Variants in SLC24A2 observed in about 807,000 individuals in gnomAD.
SLC24A2 encodes the protein solute carrier family 24 member 2, also known as sodium/potassium/calcium exchanger 2.
SLC24A2 carries 36 observed loss-of-function variants against 62.0 expected under a neutral mutation model. The observed-to-expected ratio is 0.58, with a 90% CI of 0.44 to 0.77. SLC24A2 has a LOEUF of 0.77. Ranked by LOEUF, SLC24A2 falls within the 30% of genes least tolerant of loss-of-function variation. The pLI, the probability that SLC24A2 is intolerant of heterozygous loss-of-function variation, is 0.00. For synonymous variants in SLC24A2, 358 were observed against 294.0 expected, an observed-to-expected ratio of 1.22 and a Z score of -2.23; for missense variants, 846 against 817.9, an observed-to-expected ratio of 1.03 and a Z score of -0.42.
At chr9:19,551,664 A>G (rs1260353610) in intron 7 of SLC24A2, among the ~76,000 whole-genome samples, 1 of 152,094 alleles carries the variant, frequency 6.6e-6, no homozygotes, top group Non-Finnish European at 1.5e-5. Context: ...CACTTTTCAA[A>G]CAGTAACAGC....
At chr9:19,604,025 G>C (rs1358110741) in intron 4 of SLC24A2, among the ~76,000 whole-genome samples, 1 of 152,204 alleles carries the variant, frequency 6.6e-6, no homozygotes, top group African/African-American at 2.4e-5. Flanking sequence ...TTAAGGCAAA[G>C]AGTCATTGTA....
the SLC24A2 span, among the ~76,000 whole-genome samples, chr9:19,912,416 A>G: frequency 0.046 from 6,945 of 152,208 alleles, 268 homozygotes; most frequent in East Asian, 0.21. Context: ...TAAATCAGGT[A>G]TAGGTTGGAA....
At chr9:19,746,229 G>A (rs948126012) in intron 2 of SLC24A2, among the ~76,000 whole-genome samples, 4 of 151,780 alleles carry the variant, frequency 2.6e-5, no homozygotes, top group Non-Finnish European at 5.9e-5. Context: ...ACAACTTTCC[G>A]ATGGGACCAT....
chr9:19,697,677 A>T (rs6475360), intron 2 of SLC24A2, among the ~76,000 whole-genome samples: 17,059 of 152,170 alleles, frequency 0.11, 1,499 homozygotes, highest in African/African-American at 0.24. Flanking sequence ...AAGTAGTGAA[A>T]CATTTAAAAA....
the SLC24A2 span, among the ~76,000 whole-genome samples, chr9:20,088,090 T>C: frequency 6.6e-6 from 1 of 152,190 alleles, no homozygotes; most frequent in Non-Finnish European, 1.5e-5. Flanking sequence ...GAGCTTTAGA[T>C]ACCTGGGCTT....
the SLC24A2 span, among the ~76,000 whole-genome samples, chr9:20,267,058 GAA>G: frequency 1.6e-5 from 2 of 127,618 alleles, no homozygotes; most frequent in Non-Finnish European, 1.8e-5. Flanking sequence ...CTTAAGAAAT[GAA>G]AAAAAAAAAA....
the SLC24A2 span, among the ~76,000 whole-genome samples, chr9:20,222,098 T>C: frequency 6.6e-5 from 10 of 152,084 alleles, no homozygotes; most frequent in African/African-American, 2.4e-4. Context: ...TCTTGTTATA[T>C]CTGGCAAGAA....
the SLC24A2 span, among the ~76,000 whole-genome samples, chr9:20,208,799 G>A: frequency 6.6e-6 from 1 of 152,196 alleles, no homozygotes; most frequent in African/African-American, 2.4e-5. Context: ...CCGTTCTGGA[G>A]CTGGGACCTA....
At chr9:19,990,217 A>G in the SLC24A2 span, among the ~76,000 whole-genome samples, 5 of 152,124 alleles carry the variant, frequency 3.3e-5, no homozygotes. Flanking sequence ...AGGAGGATTA[A>G]ATCAGTGTCT....
chr9:19,983,530 C>T, the SLC24A2 span, among the ~76,000 whole-genome samples: 1 of 152,162 alleles, frequency 6.6e-6, no homozygotes, highest in Non-Finnish European at 1.5e-5. Flanking sequence ...GTAGTCCCAG[C>T]TGCTCGGGAG....
chr9:20,242,301 A>C, the SLC24A2 span, among the ~76,000 whole-genome samples: 1 of 152,236 alleles, frequency 6.6e-6, no homozygotes, highest in African/African-American at 2.4e-5. Context: ...GGGCTAAAGA[A>C]ACACTCGCCA....
chr9:19,819,152 G>A, the SLC24A2 span, among the ~76,000 whole-genome samples: 2 of 152,060 alleles, frequency 1.3e-5, no homozygotes, highest in African/African-American at 4.8e-5. Flanking sequence ...CCACATGTAG[G>A]AGAATGAAAC....
At chr9:20,143,782 A>T in the SLC24A2 span, among the ~76,000 whole-genome samples, 1 of 152,356 alleles carries the variant, frequency 6.6e-6, no homozygotes, top group East Asian at 1.9e-4. Flanking sequence ...TATTCTGAAA[A>T]GAAGAAATAT....
chr9:19,723,832 A>C (rs757548018), intron 2 of SLC24A2, among the ~76,000 whole-genome samples: 23 of 152,258 alleles, frequency 1.5e-4, no homozygotes, highest in Non-Finnish European at 2.9e-4. Flanking sequence ...ACTTCAGGAC[A>C]GTAGTTAACA....
At position 19,786,383 on chromosome 9, in the gene SLC24A2, T is replaced by C; in HGVS notation, c.484A>G (p.Thr162Ala). Residue 162 changes from threonine (T) to alanine (A), a missense_variant, in exon 2 of 11, where the codon ACT becomes GCT. Physicochemically the swap from Thr to Ala is moderately conservative, Grantham distance 58. Coordinates refer to ENST00000341998, the MANE Select transcript of SLC24A2 (RefSeq NM_020344.4). The surrounding 1 kb of genome is among the most constrained non-coding windows in gnomAD (Gnocchi z 5.0). ...VCDEFFVPSL[T>A]VITEKLGISD... Reference sequence around the variant, plus strand: ...ATGCCCAGTTTTTCAGTGATGACAGTCAAAGAAGGAACAAAGAACTCATCA... The same window carrying C: ...ATGCCCAGTTTTTCAGTGATGACAGCCAAAGAAGGAACAAAGAACTCATCA... 6.2e-7 allele frequency: 1 copy of C among 1,614,130 alleles called. No homozygotes were observed. Among genetic ancestry groups the C allele is most frequent in the African/African-American group, 1.3e-5 (1 of 75,028 alleles).
At chr9:19,922,080 C>T in the SLC24A2 span, among the ~76,000 whole-genome samples, 2 of 152,130 alleles carry the variant, frequency 1.3e-5, no homozygotes, top group African/African-American at 2.4e-5. Context: ...CTCCAAGCAG[C>T]TAGAGAAAAT....
At chr9:19,743,217 G>A (rs568559514) in intron 2 of SLC24A2, among the ~76,000 whole-genome samples, 67 of 152,242 alleles carry the variant, frequency 4.4e-4, no homozygotes, top group African/African-American at 1.4e-3. Context: ...AAGTAGTTAC[G>A]GCTGAGTTGG....
chr9:19,696,849 T>A (rs1820207451), intron 2 of SLC24A2, among the ~76,000 whole-genome samples: 2 of 152,176 alleles, frequency 1.3e-5, no homozygotes, highest in Non-Finnish European at 2.9e-5. Context: ...TTCAAATATA[T>A]AATTTAAATT....
At chr9:19,609,314 G>C (rs1440889386) in intron 4 of SLC24A2, among the ~76,000 whole-genome samples, 1 of 152,238 alleles carries the variant, frequency 6.6e-6, no homozygotes, top group Non-Finnish European at 1.5e-5. Context: ...AGTGAATCTG[G>C]CCAGGGCAGT....
Sources: allele counts gnomAD v4.1 joint callset (sites outside exome capture counted in the v4.1 genomes callset), GRCh38; gene constraint gnomAD v4.1.1; non-coding constraint Gnocchi (gnomAD v3.1); transcripts MANE v1.5; gene names NCBI Gene and HGNC (gene_info 2026-07-23, HGNC 2026-07-21).